RRP8: variants seen among roughly 807,000 people sequenced by gnomAD.
RRP8 encodes ribosomal RNA processing 8.
In RRP8, 48 loss-of-function variants were observed where a neutral mutation model predicts 45.0. The ratio of observed to expected loss-of-function variants is 1.07; its 90% CI spans 0.85 to 1.36. RRP8 has a LOEUF of 1.36. Among genes scored for constraint, RRP8 ranks in the 40% most tolerant of loss-of-function variants. The pLI is 0.00. For synonymous variants in RRP8, 274 were observed against 212.4 expected, an observed-to-expected ratio of 1.29 and a Z score of -2.52; for missense variants, 658 against 573.7, an observed-to-expected ratio of 1.15 and a Z score of -1.50.
rs757940157 is a variant in RRP8 at position 6,601,432 on chromosome 11, G to A, written c.634C>T (p.Pro212Ser). The change falls in exon 3 of 7, where the codon CCA (proline) becomes TCA (serine). Residue 212 changes from proline (P) to serine (S), a missense_variant. Coordinates refer to ENST00000254605, the MANE Select transcript of RRP8 (RefSeq NM_015324.4). ...FQPPQVPDQA[P>S]AEAPTEKTEV... ...GTCTTCTCTGTGGGGGCCTCAGCTG[G>A]GGCCTGGTCTGGCACCTGAGGTGGC... 1 of 1,614,148 alleles carries A rather than the reference G, an allele frequency of 6.2e-7. No homozygotes were observed. The highest frequency in any genetic ancestry group is 1.1e-5 in the South Asian group (1 of 91,082).
rs1854264420 is a variant in RRP8, at chr11:6,598,124, T to A, written c.*2022A>T. 1 of 152,228 alleles carries A rather than the reference T, an allele frequency of 6.6e-6. No individual in the cohort carries two copies. The highest frequency in any genetic ancestry group is 1.5e-5 in the Non-Finnish European group (1 of 68,078). 9.4% of individuals were successfully genotyped at this position (152,228 alleles called of 1,614,324 possible). ...GATTCCCAGACCCCCAGCACAGATTTCACGCATGTCCCACTTCCTAAAATC... is the reference window on the plus strand; with the variant it reads ...GATTCCCAGACCCCCAGCACAGATTACACGCATGTCCCACTTCCTAAAATC... On this transcript the variant is annotated 3_prime_UTR_variant, in exon 7 of 7. Transcript: ENST00000254605.
chr11:6,601,585 C>T lies in RRP8; in HGVS notation c.481G>A (p.Gly161Ser), dbSNP rs752302248. 1.5e-5 allele frequency: 24 copies of T among 1,600,852 alleles called. No homozygotes were observed. Among genetic ancestry groups the T allele is most frequent in the Non-Finnish European group, 2.0e-5 (23 of 1,179,316 alleles). ...TTTGGTGGATCATTTGTAGTACTAC[C>T]CTTCCAGGCTTTGGGACCTACAGGG... ...VDQTGPKAWK[G>S]STTNDPPKQS... The change falls in exon 3 of 7, where the codon GGT becomes AGT. Residue 161 changes from glycine to serine, a missense_variant. Transcript: ENST00000254605.
intron 5 of RRP8, 28 bp from the exon 6 acceptor site, chr11:6,600,610 G>C (rs762821641): frequency 6.2e-7 from 1 of 1,608,522 alleles, no homozygotes; most frequent in Non-Finnish European, 8.5e-7. Context: ...TTCTGTGTAA[G>C]TGCACAGACT....
In RRP8 at chr11:6,596,860, T is replaced by C. The variant is rs1265593045; in HGVS notation, c.*3286A>G. 1 of 152,234 alleles carries C rather than the reference T, an allele frequency of 6.6e-6. No homozygotes were observed. Among genetic ancestry groups the C allele is most frequent in the African/African-American group, 2.4e-5 (1 of 41,444 alleles). 9.4% of individuals were successfully genotyped at this position (152,234 alleles called of 1,614,324 possible). ...CAATAACTGCAGAAGCAGTAACTAT[T>C]TATTTGGAGAACTCTCAAAGGGATG... is the stretch of plus-strand genomic sequence containing the variant. On this transcript the variant is annotated 3_prime_UTR_variant, in exon 7 of 7. Transcript: ENST00000254605.
rs1854211765 is a variant in RRP8, at chr11:6,595,443, C to T, written c.*4703G>A. 6.6e-6 allele frequency: 1 copy of T among 152,084 alleles called. No homozygotes were observed. The highest frequency in any genetic ancestry group is 1.5e-5 in the Non-Finnish European group (1 of 68,018). The allele number at this position is 152,084 out of a possible 1,614,324, so 9.4% of individuals were successfully genotyped here. On this transcript the variant is annotated 3_prime_UTR_variant, in exon 7 of 7. Coordinates refer to ENST00000254605, the MANE Select transcript of RRP8 (RefSeq NM_015324.4). ...CTGCTTAATCAATAACACTTCATTTCGTGACCATGAGACAAGAAAACTACA... is the reference window on the plus strand; with the variant it reads ...CTGCTTAATCAATAACACTTCATTTTGTGACCATGAGACAAGAAAACTACA...
In RRP8 at chr11:6,601,475, T is replaced by A; in HGVS notation, c.591A>T (p.Arg197Ser). The A allele has an allele frequency of 6.2e-7, 1 of 1,613,992 alleles. No homozygotes were observed. Among genetic ancestry groups the A allele is most frequent in the South Asian group, 1.1e-5 (1 of 91,084 alleles). ...QWRNRQKNKR[R>S]CKNKFQPPQV... ...GAGGTGGCTGAAACTTGTTCTTACA[T>A]CTTCTCTTGTTCTTTTGCCGGTTCC... is the stretch of plus-strand genomic sequence containing the variant. Residue 197 changes from arginine to serine, a missense_variant, in exon 3 of 7, where the codon AGA becomes AGT. By Grantham distance (110) the Arg-to-Ser change is moderately radical. Transcript: ENST00000254605.
rs776002877 is a variant in RRP8 at position 6,600,153 on chromosome 11, C to G, written c.1364G>C (p.Arg455Pro). ...GLQLQPCLYKRR is the reference protein window; with the variant it reads ...GLQLQPCLYKPR The stretch of plus-strand genomic sequence containing the variant: ...TCAAGGAAGATCCAGAGGTCACCTG[C>G]GCTTGTAGAGACATGGCTGAAGCTG... The change falls in exon 7 of 7, where the codon CGC (arginine) becomes CCC (proline). Residue 455 changes from arginine to proline, a missense_variant. Coordinates refer to ENST00000254605, the MANE Select transcript of RRP8 (RefSeq NM_015324.4). 1 of 1,586,288 alleles carries G rather than the reference C, an allele frequency of 6.3e-7. No homozygotes were observed. The highest frequency in any genetic ancestry group is 8.6e-7 in the Non-Finnish European group (1 of 1,166,878).
In RRP8 at chr11:6,597,366, T is replaced by C. The variant is rs1199934432; in HGVS notation, c.*2780A>G. 3 of 152,100 alleles carry C rather than the reference T, an allele frequency of 2.0e-5. No individual in the cohort carries two copies. Among genetic ancestry groups the C allele is most frequent in the Non-Finnish European group, 4.4e-5 (3 of 68,044 alleles). 9.4% of individuals were successfully genotyped at this position (152,100 alleles called of 1,614,324 possible). A position where few individuals can be genotyped will look rare whatever the true frequency, so the allele number is the denominator to read the frequency against. On this transcript the variant is annotated 3_prime_UTR_variant, in exon 7 of 7. Coordinates refer to ENST00000254605, the MANE Select transcript of RRP8 (RefSeq NM_015324.4). ...CTCACTCTCAAATGATAAACTGGCT[T>C]CCTGCTCCCCTGAAAAAAAATCAAA...
chr11:6,600,382 A>G, intron 6 of RRP8, 104 bp downstream of exon 6: 1 of 1,333,600 alleles, frequency 7.5e-7, no homozygotes, highest in Non-Finnish European at 1.0e-6. Flanking sequence ...TCCGTTGGGG[A>G]GCAAAATGTC....
At position 6,603,087 on chromosome 11, in the gene RRP8, T is replaced by C. The variant is rs373924747; in HGVS notation, c.99+317A>G. 3.3e-5 allele frequency among the ~76,000 whole-genome samples: 5 copies of C among 152,358 alleles called. No homozygotes were observed. In the South Asian group the frequency reaches 6.2e-4, roughly 19 times the overall value. ...ACCTCTTGAACTTGAACAGCATATATGCCCCTTTCATTTACTATGTATTTC... is the reference window on the plus strand; with the variant it reads ...ACCTCTTGAACTTGAACAGCATATACGCCCCTTTCATTTACTATGTATTTC... On this transcript the variant is annotated intron_variant, in intron 1 of 6. Coordinates refer to ENST00000254605, the MANE Select transcript of RRP8 (RefSeq NM_015324.4).
Position 6,596,712 on chromosome 11 carries a change from T to G in RRP8, c.*3434A>C, listed in dbSNP as rs1854234108. The G allele has an allele frequency of 6.6e-6, 1 of 152,220 alleles. No individual in the cohort carries two copies. Among genetic ancestry groups the G allele is most frequent in the Non-Finnish European group, 1.5e-5 (1 of 68,046 alleles). The allele number at this position is 152,220 out of a possible 1,614,324, so 9.4% of individuals were successfully genotyped here. ...CTGTGAAAAGCTGTAGAGAGTTTTG[T>G]GCAGTTACATAAATGGTTGGGTTTG... On this transcript the variant is annotated 3_prime_UTR_variant, in exon 7 of 7. Transcript: ENST00000254605.
rs778057096 is a variant in RRP8 at position 6,600,191 on chromosome 11, C to T, written c.1326G>A (p.Gln442=). ...ATGGCTGAAGCTGCAGGCCTGAAAG[C>T]TGAGCCTTGGGCCCTACCAGAGGGG... ...TGPPLVGPKA[Q]LSGLQLQPCL... Residue 442 remains glutamine (Q), a synonymous_variant, in exon 7 of 7, where the codon CAG becomes CAA. Coordinates refer to ENST00000254605, the MANE Select transcript of RRP8 (RefSeq NM_015324.4). The T allele has an allele frequency of 1.1e-5, 17 of 1,604,866 alleles. No individual in the cohort carries two copies. The highest frequency in any genetic ancestry group is 1.4e-5 in the Non-Finnish European group (16 of 1,176,994).
Position 6,603,575 on chromosome 11 carries a change from C to T in RRP8, c.-73G>A, listed in dbSNP as rs997633171. 7.2e-5 allele frequency: 74 copies of T among 1,028,276 alleles called. No individual in the cohort carries two copies. Among genetic ancestry groups the T allele is most frequent in the Non-Finnish European group, 1.0e-4 (74 of 711,718 alleles). The allele number at this position is 1,028,276 out of a possible 1,614,324, so 63.7% of individuals were successfully genotyped here. A position where few individuals can be genotyped will look rare whatever the true frequency, so the allele number is the denominator to read the frequency against. On this transcript the variant is annotated 5_prime_UTR_variant, in exon 1 of 7. Transcript: ENST00000254605. The stretch of plus-strand genomic sequence containing the variant: ...CACAGCGCTCCTCTGGAAGTCGGAG[C>T]GCTCAGACCTGCCAGAACCGACCCG...
rs1024791119 is a variant in RRP8 at position 6,598,411 on chromosome 11, T to C, written c.*1735A>G. The C allele has an allele frequency of 6.6e-6, 1 of 152,212 alleles. No homozygotes were observed. Among genetic ancestry groups the C allele is most frequent in the Non-Finnish European group, 1.5e-5 (1 of 68,046 alleles). The allele number at this position is 152,212 out of a possible 1,614,324, so 9.4% of individuals were successfully genotyped here. On this transcript the variant is annotated 3_prime_UTR_variant, in exon 7 of 7. Coordinates refer to ENST00000254605, the MANE Select transcript of RRP8 (RefSeq NM_015324.4). The stretch of plus-strand genomic sequence containing the variant: ...TCTCTCCCTAGGTGAATAAGTACAC[T>C]GGCTATATCTCAAATGACAAGCTCC...
In RRP8 at chr11:6,601,401, AC is replaced by A; in HGVS notation, c.664del (p.Val222CysfsTer67). The A allele has an allele frequency of 6.2e-7, 1 of 1,613,372 alleles. No individual in the cohort carries two copies. The highest frequency in any genetic ancestry group is 1.1e-5 in the South Asian group (1 of 91,018). ...GCTGTCTGTCCTGGGAACAGGAGAC[AC>A]CTCTGTCTTCTCTGTGGGGGCCTCA... ...PAEAPTEKTE[V>X]SPVPRTDSHE... is the part of the protein sequence containing the mutation. On this transcript the variant is annotated frameshift_variant, in exon 3 of 7. Transcript: ENST00000254605. LOFTEE classifies it high-confidence loss of function.
chr11:6,596,895 C>T lies in RRP8; in HGVS notation c.*3251G>A, dbSNP rs571652154. On this transcript the variant is annotated 3_prime_UTR_variant, in exon 7 of 7. Transcript: ENST00000254605. The stretch of plus-strand genomic sequence containing the variant: ...AACTCTCAAAGGGATGCTGAACAAG[C>T]ATGAGGCACGGATAACCAAACCCAA... 22 of 152,226 alleles carry T rather than the reference C, an allele frequency of 1.4e-4. No individual in the cohort carries two copies. Among genetic ancestry groups the T allele is most frequent in the Non-Finnish European group, 2.1e-4 (14 of 68,048 alleles). 9.4% of individuals were successfully genotyped at this position (152,226 alleles called of 1,614,324 possible).
Position 6,599,438 on chromosome 11 carries a change from G to C in RRP8, c.*708C>G, listed in dbSNP as rs1240448116. 10 of 152,230 alleles carry C rather than the reference G, an allele frequency of 6.6e-5. No homozygotes were observed. Among genetic ancestry groups the C allele is most frequent in the African/African-American group, 2.2e-4 (9 of 41,436 alleles). The allele number at this position is 152,230 out of a possible 1,614,324, so 9.4% of individuals were successfully genotyped here. ...GGTAGCAGGCCAAGAATTAAATCCA[G>C]GTCTACCTGATTCCAAAATCTGTGC... is the stretch of plus-strand genomic sequence containing the variant. On this transcript the variant is annotated 3_prime_UTR_variant, in exon 7 of 7. Coordinates refer to ENST00000254605, the MANE Select transcript of RRP8 (RefSeq NM_015324.4).
chr11:6,601,567 G>A lies in RRP8; in HGVS notation c.499C>T (p.Pro167Ser). The stretch of plus-strand genomic sequence containing the variant: ...GTGGACCCAGGGCTTTGCTTTGGTG[G>A]ATCATTTGTAGTACTACCCTTCCAG... ...KAWKGSTTND[P>S]PKQSPGSTSP... is the part of the protein sequence containing the mutation. The change falls in exon 3 of 7, where the codon CCA (proline) becomes TCA (serine). Residue 167 changes from proline (P) to serine (S), a missense_variant. Coordinates refer to ENST00000254605, the MANE Select transcript of RRP8 (RefSeq NM_015324.4). The A allele has an allele frequency of 6.2e-7, 1 of 1,604,080 alleles. No homozygotes were observed. The highest frequency in any genetic ancestry group is 8.5e-7 in the Non-Finnish European group (1 of 1,179,912).
In RRP8 at chr11:6,599,022, A is replaced by G. The variant is rs539777639; in HGVS notation, c.*1124T>C. 4.6e-5 allele frequency: 7 copies of G among 152,424 alleles called. No individual in the cohort carries two copies. Among genetic ancestry groups the G allele is most frequent in the South Asian group, 2.1e-4 (1 of 4,826 alleles). 9.4% of individuals were successfully genotyped at this position (152,424 alleles called of 1,614,324 possible). A position where few individuals can be genotyped will look rare whatever the true frequency, so the allele number is the denominator to read the frequency against. ...GCCAATGAACAGCCCAATGCCCCCA[A>G]GCCCACATGGCATCAACAAGTTGTT... On this transcript the variant is annotated 3_prime_UTR_variant, in exon 7 of 7. Transcript: ENST00000254605.
Sources: allele counts gnomAD v4.1 joint callset (sites outside exome capture counted in the v4.1 genomes callset), GRCh38; gene constraint gnomAD v4.1.1; transcripts MANE v1.5; gene names NCBI Gene and HGNC (gene_info 2026-07-23, HGNC 2026-07-21).